Variants in C2CD2L observed in about 807,000 individuals in gnomAD.
C2CD2L encodes phospholipid transfer protein C2CD2L.
In C2CD2L, 24 loss-of-function variants were observed where a neutral mutation model predicts 69.9. That is an observed-to-expected ratio of 0.34 (90% CI 0.25 to 0.48). The LOEUF is 0.48. Among genes scored for constraint, C2CD2L ranks in the 20% least tolerant of loss-of-function variants. The pLI, the probability that C2CD2L is intolerant of heterozygous loss-of-function variation, is 0.99. For synonymous variants in C2CD2L, 367 were observed against 391.0 expected, an observed-to-expected ratio of 0.94 and a Z score of 0.72; for missense variants, 811 against 941.5, an observed-to-expected ratio of 0.86 and a Z score of 1.81.
At position 119,110,500 on chromosome 11, in the gene C2CD2L, G is replaced by A. The variant is rs1946704458; in HGVS notation, c.451-61G>A. 3.2e-6 allele frequency: 5 copies of A among 1,567,412 alleles called. No homozygotes were observed. Among genetic ancestry groups the A allele is most frequent in the East Asian group, 4.6e-5 (2 of 43,524 alleles). ...GGGAGGGGTCTGCTGAACTATTACA[G>A]GGCAGTTCAAAGCAGGGTGAGCACC... On this transcript the variant is annotated intron_variant, in intron 2 of 13. Transcript: ENST00000648610. The surrounding 1 kb of genome is among the most constrained non-coding windows in gnomAD (Gnocchi z 5.7).
At chr11:119,106,024 C>T (rs962568228), upstream of C2CD2L, among the ~76,000 whole-genome samples, 14 of 152,226 alleles carry the variant, frequency 9.2e-5, no homozygotes, top group African/African-American at 3.4e-4. Context: ...GAAACCCAGA[C>T]TCTAGGAATC....
At chr11:119,115,635 C>G in intron 13 of C2CD2L, 1 of 273,310 alleles carries the variant, frequency 3.7e-6, no homozygotes, top group East Asian at 6.6e-5. Flanking sequence ...CAGTGTCAAC[C>G]TACCTTTCCC....
upstream of C2CD2L, among the ~76,000 whole-genome samples, chr11:119,105,395 T>C (rs144624135): frequency 3.0e-3 from 463 of 152,240 alleles, 2 homozygotes; most frequent in African/African-American, 0.011. Context: ...TCCCAGCACT[T>C]TGGGAGGCCG....
chr11:119,102,493 AT>A (rs1946526975), upstream of C2CD2L: 2 of 368,376 alleles, frequency 5.4e-6, no homozygotes, highest in Admixed American at 7.4e-5. Flanking sequence ...CGATTCTGGT[AT>A]TTTTTTCTCA....
At position 119,114,668 on chromosome 11, in the gene C2CD2L, C is replaced by G. The variant is rs921196130; in HGVS notation, c.1909+303C>G. The G allele has an allele frequency of 2.6e-6, 1 of 378,014 alleles. No individual in the cohort carries two copies. The highest frequency in any genetic ancestry group is 4.9e-6 in the Non-Finnish European group (1 of 202,960). The allele number at this position is 378,014 out of a possible 1,614,324, so 23.4% of individuals were successfully genotyped here. On this transcript the variant is annotated intron_variant, in intron 13 of 13. Coordinates refer to ENST00000648610, the MANE Select transcript of C2CD2L (RefSeq NM_001290474.2). The surrounding 1 kb of genome is among the most constrained non-coding windows in gnomAD (Gnocchi z 5.1). ...AAAATTATAAAAATTTATTCCTAGG[C>G]AGGGTGTGGTGGCTCACACCGGCAC... is the stretch of plus-strand genomic sequence containing the variant.
intron 1 of C2CD2L, 156 bp downstream of exon 1, chr11:119,108,251 G>A: frequency 1.8e-6 from 1 of 543,864 alleles, no homozygotes; most frequent in South Asian, 2.5e-5. Flanking sequence ...GTGCCGCTAA[G>A]GCTGGAGGTT....
Position 119,116,402 on chromosome 11 carries a change from G to A in C2CD2L, c.*146G>A. 1 of 660,010 alleles carries A rather than the reference G, an allele frequency of 1.5e-6. No individual in the cohort carries two copies. The highest frequency in any genetic ancestry group is 1.9e-5 in the South Asian group (1 of 53,406). The allele number at this position is 660,010 out of a possible 1,614,324, so 40.9% of individuals were successfully genotyped here. On this transcript the variant is annotated 3_prime_UTR_variant, in exon 14 of 14. Coordinates refer to ENST00000648610, the MANE Select transcript of C2CD2L (RefSeq NM_001290474.2). ...CCACCCTGGGCCATGGGGCCGGTTGGAAGGATACTTGGAACGGGAAGCACA... is the reference window on the plus strand; with the variant it reads ...CCACCCTGGGCCATGGGGCCGGTTGAAAGGATACTTGGAACGGGAAGCACA...
At position 119,109,766 on chromosome 11, in the gene C2CD2L, T is replaced by C. The variant is rs916131441; in HGVS notation, c.355-338T>C. Among the ~76,000 whole-genome samples, 17 of 152,284 alleles carry C rather than the reference T, an allele frequency of 1.1e-4. No individual in the cohort carries two copies. The highest frequency in any genetic ancestry group is 4.1e-4 in the African/African-American group (17 of 41,552). On this transcript the variant is annotated intron_variant, in intron 1 of 13. Coordinates refer to ENST00000648610, the MANE Select transcript of C2CD2L (RefSeq NM_001290474.2). This position sits in a 1 kb window ranked among gnomAD's most constrained non-coding sequence, Gnocchi z 5.1. Reference sequence around the variant, plus strand: ...TTTTTGTTTGTTTGTTATTTGTTTTTTTAGGGGGTAGGGTAGGGGATGAAA... The same window carrying C: ...TTTTTGTTTGTTTGTTATTTGTTTTCTTAGGGGGTAGGGTAGGGGATGAAA...
chr11:119,110,107 T>C lies in C2CD2L; in HGVS notation c.358T>C (p.Ser120Pro). 1 of 1,611,436 alleles carries C rather than the reference T, an allele frequency of 6.2e-7. No homozygotes were observed. Among genetic ancestry groups the C allele is most frequent in the Non-Finnish European group, 8.5e-7 (1 of 1,177,616 alleles). Residue 120 changes from serine (S) to proline (P), a missense_variant, in exon 2 of 14, where the codon TCC becomes CCC. Transcript: ENST00000648610. The surrounding 1 kb of genome is among the most constrained non-coding windows in gnomAD (Gnocchi z 5.7). ...LNEQACRNGS[S>P]IQIAFEEVPQ... ...AATGCCCACATTACTCCCTCAGAGCTCCATCCAAATCGCCTTTGAGGAGGT... is the reference window on the plus strand; with the variant it reads ...AATGCCCACATTACTCCCTCAGAGCCCCATCCAAATCGCCTTTGAGGAGGT...
Position 119,117,222 on chromosome 11 carries a change from A to G in C2CD2L, c.*966A>G, listed in dbSNP as rs1946919178. The G allele has an allele frequency of 6.6e-6, 1 of 152,568 alleles. No homozygotes were observed. The highest frequency in any genetic ancestry group is 1.5e-5 in the Non-Finnish European group (1 of 68,078). The allele number at this position is 152,568 out of a possible 1,614,324, so 9.5% of individuals were successfully genotyped here. On this transcript the variant is annotated 3_prime_UTR_variant, in exon 14 of 14. Coordinates refer to ENST00000648610, the MANE Select transcript of C2CD2L (RefSeq NM_001290474.2). ...GGGCCCGGATAATGAGGTTGGGTAG[A>G]TGACACACATTGTGGATCTGCTAAG...
chr11:119,112,959 C>A, intron 10 of C2CD2L, 85 bp downstream of exon 10: 2 of 1,139,004 alleles, frequency 1.8e-6, no homozygotes, highest in Non-Finnish European at 2.5e-6. Flanking sequence ...GAGGAGAGAG[C>A]CTTAATTCCA....
intron 11 of C2CD2L, 21 bp downstream of exon 11, chr11:119,113,733 A>G: frequency 6.2e-7 from 1 of 1,613,814 alleles, no homozygotes; most frequent in Non-Finnish European, 8.5e-7. Flanking sequence ...AATGGGGTGC[A>G]TGAGTGTGGG....
rs1946926975 is a variant in C2CD2L, at chr11:119,117,679, A to G, written c.*1423A>G. 6.6e-6 allele frequency: 1 copy of G among 152,200 alleles called. No individual in the cohort carries two copies. The highest frequency in any genetic ancestry group is 1.5e-5 in the Non-Finnish European group (1 of 68,048). The allele number at this position is 152,200 out of a possible 1,614,324, so 9.4% of individuals were successfully genotyped here. ...GCTCTCTCATTCTGAAATGTGGGCA[A>G]ATTTCAGGGATTGATAGATCCTAGC... On this transcript the variant is annotated 3_prime_UTR_variant, in exon 14 of 14. Transcript: ENST00000648610.
Position 119,116,029 on chromosome 11 carries a change from C to G in C2CD2L, c.1910-16C>G. 1 of 1,612,676 alleles carries G rather than the reference C, an allele frequency of 6.2e-7. No individual in the cohort carries two copies. Among genetic ancestry groups the G allele is most frequent in the Admixed American group, 1.7e-5 (1 of 59,982 alleles). Reference sequence around the variant, plus strand: ...CCGTGCCCCTCTCTGCCTCAGCTTCCCCTCTTCCCCTGCAGTGAGTTTCCT... The same window carrying G: ...CCGTGCCCCTCTCTGCCTCAGCTTCGCCTCTTCCCCTGCAGTGAGTTTCCT... On this transcript the variant is annotated splice_polypyrimidine_tract_variant and intron_variant, in intron 13 of 13. Transcript: ENST00000648610.
chr11:119,105,265 A>G (rs1318372064), upstream of C2CD2L, among the ~76,000 whole-genome samples: 5 of 152,188 alleles, frequency 3.3e-5, no homozygotes, highest in African/African-American at 1.2e-4. Context: ...TTCCTGATGC[A>G]TGGAAAAAGC....
upstream of C2CD2L, chr11:119,107,072 C>G (rs1435623903): frequency 6.6e-6 from 1 of 152,278 alleles, no homozygotes; most frequent in Non-Finnish European, 1.5e-5. This position sits in a 1 kb window ranked among gnomAD's most constrained non-coding sequence, Gnocchi z 5.4. Context: ...ACCTCACAGG[C>G]GTCCGACCTG....
rs933679604 is a variant in C2CD2L at position 119,116,473 on chromosome 11, G to A, written c.*217G>A. 3 of 594,994 alleles carry A rather than the reference G, an allele frequency of 5.0e-6. No individual in the cohort carries two copies. Among genetic ancestry groups the A allele is most frequent in the Non-Finnish European group, 9.0e-6 (3 of 333,858 alleles). The allele number at this position is 594,994 out of a possible 1,614,324, so 36.9% of individuals were successfully genotyped here. A position where few individuals can be genotyped will look rare whatever the true frequency, so the allele number is the denominator to read the frequency against. On this transcript the variant is annotated 3_prime_UTR_variant, in exon 14 of 14. Transcript: ENST00000648610. The stretch of plus-strand genomic sequence containing the variant: ...CCGAGGACATGGACGAGGGACTGGT[G>A]GCTGGGAGGGAGAGGAGGGCCCTGT...
rs1487403595 is a variant in C2CD2L at position 119,111,114 on chromosome 11, C to T, written c.744C>T (p.Ser248=). ...AACTGATCAAGGATGCCATAGTCAG[C>T]ACCCAGCCAGCCATGATGGTCAACC... ...IEELIKDAIV[S]TQPAMMVNLR... Residue 248 remains serine (S), a synonymous_variant, in exon 5 of 14, where the codon AGC becomes AGT. Transcript: ENST00000648610. 2 of 1,613,924 alleles carry T rather than the reference C, an allele frequency of 1.2e-6. No individual in the cohort carries two copies. Among genetic ancestry groups the T allele is most frequent in the South Asian group, 1.1e-5 (1 of 91,080 alleles).
chr11:119,102,902 C>T (rs1447260938), upstream of C2CD2L, among the ~76,000 whole-genome samples: 1 of 106,336 alleles, frequency 9.4e-6, no homozygotes, highest in Non-Finnish European at 1.7e-5. Flanking sequence ...GACAGAGTTT[C>T]GCTCTTGTTG....
Sources: gnomAD v4.1 joint callset for allele counts (sites outside exome capture counted in the v4.1 genomes callset) on GRCh38, gnomAD v4.1.1 for gene constraint, Gnocchi (gnomAD v3.1) non-coding constraint, MANE v1.5 for transcripts, NCBI Gene and HGNC (gene_info 2026-07-23, HGNC 2026-07-21) for gene names.